The following ITCH variants were observed in gnomAD, a reference collection of about 807,000 sequenced individuals.
The protein encoded by ITCH is E3 ubiquitin-protein ligase Itchy homolog.
Under a neutral mutation model 126.8 loss-of-function variants are expected in ITCH, and 28 were observed. That is an observed-to-expected ratio of 0.22 (90% CI 0.16 to 0.30). The LOEUF is 0.30. Among genes scored for constraint, ITCH ranks in the 10% least tolerant of loss-of-function variants. The probability of loss-of-function intolerance (pLI) is 1.00; values close to 1 mark genes in which losing one functional copy is unlikely to be tolerated. For missense variants in ITCH, 631 were observed against 1,032.4 expected (o/e 0.61, Z 5.33); for synonymous variants, 342 against 340.0 (o/e 1.01, Z -0.06).
At chr20:34,388,316 C>T (rs2038363744) in intron 2 of ITCH, among the ~76,000 whole-genome samples, 1 of 152,048 alleles carries the variant, frequency 6.6e-6, no homozygotes, top group Non-Finnish European at 1.5e-5. Context: ...CCAGGCTGGT[C>T]TTCTGAAGGC....
At chr20:34,405,271 G>A (rs760685047) in intron 3 of ITCH, among the ~76,000 whole-genome samples, 3 of 152,178 alleles carry the variant, frequency 2.0e-5, no homozygotes, top group South Asian at 2.1e-4. Context: ...TTGAGGGGCC[G>A]AGGCAAGTGG....
intron 2 of ITCH, among the ~76,000 whole-genome samples, chr20:34,390,254 T>C (rs2038436780): frequency 1.3e-5 from 2 of 152,182 alleles, no homozygotes; most frequent in South Asian, 4.1e-4. Flanking sequence ...AATGAAACTA[T>C]AAATTATAGA....
At chr20:34,506,621 C>A (rs1346896933) in intron 24 of ITCH, among the ~76,000 whole-genome samples, 1 of 152,182 alleles carries the variant, frequency 6.6e-6, no homozygotes, top group Non-Finnish European at 1.5e-5. Flanking sequence ...GGAACAGTTT[C>A]ATCCTGAAAC....
rs955270823 is a variant in ITCH, at chr20:34,402,069, A to G, written c.71-6582A>G. 8 of 725,054 alleles carry G rather than the reference A, an allele frequency of 1.1e-5. No individual in the cohort carries two copies. In the Admixed American group the frequency reaches 1.8e-4, roughly 17 times the overall value. The allele number at this position is 725,054 out of a possible 1,614,324, so 44.9% of individuals were successfully genotyped here. A position where few individuals can be genotyped will look rare whatever the true frequency, so the allele number is the denominator to read the frequency against. ...ATGGCAAAAACGAATTTTAATTTTTAAGCTTTAGTTTGACTTAAACATTGC... is the reference window on the plus strand; with the variant it reads ...ATGGCAAAAACGAATTTTAATTTTTGAGCTTTAGTTTGACTTAAACATTGC... On this transcript the variant is annotated intron_variant, in intron 3 of 24. Transcript: ENST00000374864.
intron 7 of ITCH, among the ~76,000 whole-genome samples, chr20:34,437,730 G>A (rs1266017896): frequency 6.6e-6 from 1 of 152,204 alleles, no homozygotes; most frequent in Non-Finnish European, 1.5e-5. Flanking sequence ...TGAGACATCT[G>A]CAGACTGGCT....
intron 14 of ITCH, among the ~76,000 whole-genome samples, chr20:34,463,878 ATTATT>A (rs1006580582): frequency 2.6e-5 from 4 of 151,774 alleles, no homozygotes; most frequent in African/African-American, 7.3e-5. Context: ...ATGATTTGCA[ATTATT>A]TTCTCCCATT....
intron 12 of ITCH, among the ~76,000 whole-genome samples, chr20:34,452,533 G>A (rs1005609252): frequency 2.2e-4 from 34 of 152,146 alleles, no homozygotes; most frequent in African/African-American, 7.5e-4. Flanking sequence ...GACAGCACTG[G>A]TAGTATATCA....
chr20:34,369,015 G>A (rs139525883), intron 1 of ITCH, among the ~76,000 whole-genome samples: 176 of 152,256 alleles, frequency 1.2e-3, no homozygotes, highest in African/African-American at 4.1e-3. Flanking sequence ...TCGCAAGGTC[G>A]TTGCAGATCT....
intron 14 of ITCH, among the ~76,000 whole-genome samples, chr20:34,463,357 C>T (rs922396731): frequency 3.3e-5 from 5 of 151,978 alleles, no homozygotes; most frequent in Admixed American, 6.6e-5. Flanking sequence ...AGTGAGACTC[C>T]GTCTCAAAAA....
intron 7 of ITCH, 47 bp downstream of exon 7, chr20:34,424,572 T>A (rs1324814483): frequency 6.9e-7 from 1 of 1,447,800 alleles, no homozygotes; most frequent in Middle Eastern, 1.8e-4. Flanking sequence ...GAGATAGATT[T>A]CCTAAATATT....
chr20:34,493,145 T>G (rs929666140), intron 23 of ITCH, among the ~76,000 whole-genome samples: 1 of 152,220 alleles, frequency 6.6e-6, no homozygotes, highest in Admixed American at 6.5e-5. Context: ...ATTATTTAAG[T>G]AAATTCAAGT....
intron 7 of ITCH, among the ~76,000 whole-genome samples, chr20:34,427,376 A>G (rs1465173980): frequency 6.6e-6 from 1 of 152,190 alleles, no homozygotes; most frequent in Non-Finnish European, 1.5e-5. Flanking sequence ...ACTTGAGCCT[A>G]GGAGTTTGAG....
At chr20:34,484,712 A>G (rs1159569805) in intron 20 of ITCH, among the ~76,000 whole-genome samples, 2 of 152,184 alleles carry the variant, frequency 1.3e-5, no homozygotes, top group Non-Finnish European at 2.9e-5. Context: ...TAAGAAGTAT[A>G]ATTTCCTTAG....
At chr20:34,481,767 C>T (rs181772129) in intron 20 of ITCH, among the ~76,000 whole-genome samples, 9 of 152,280 alleles carry the variant, frequency 5.9e-5, no homozygotes, top group Admixed American at 5.9e-4. Context: ...AATCCTAGCA[C>T]TTTGGAAGGC....
chr20:34,418,395 T>C (rs981458106), intron 6 of ITCH, among the ~76,000 whole-genome samples: 2 of 152,232 alleles, frequency 1.3e-5, no homozygotes, highest in Admixed American at 6.5e-5. Context: ...CTGGTTCTTA[T>C]TCTATGCATT....
At chr20:34,412,407 G>A in intron 4 of ITCH, 108 bp from the exon 5 acceptor site, 1 of 783,428 alleles carries the variant, frequency 1.3e-6, no homozygotes, top group Non-Finnish European at 2.1e-6. Context: ...AAACTGTAAG[G>A]GGTGCAGTGA....
At chr20:34,402,236 CT>C in intron 3 of ITCH, 3 of 1,389,920 alleles carry the variant, frequency 2.2e-6, no homozygotes, top group East Asian at 4.6e-5. Context: ...TTAGGCCTTT[CT>C]TTGTGAGTGC....
At chr20:34,379,626 G>A (rs1488241940) in intron 2 of ITCH, among the ~76,000 whole-genome samples, 2 of 139,242 alleles carry the variant, frequency 1.4e-5, no homozygotes, top group Non-Finnish European at 3.0e-5. Context: ...ACGGAGTCTC[G>A]CTCTGTCACC....
Position 34,369,454 on chromosome 20 carries a change from A to T in ITCH, c.-38A>T. On this transcript the variant is annotated 5_prime_UTR_variant, in exon 2 of 25. Transcript: ENST00000374864. ...CGCCTTAACCCAAGGAAGTGACTCA[A>T]ACTGTGAGAACTTCAGGTATGGTGT... The T allele has an allele frequency of 2.5e-6, 1 of 399,092 alleles. No homozygotes were observed. The highest frequency in any genetic ancestry group is 4.4e-5 in the Admixed American group (1 of 22,726). 24.7% of individuals were successfully genotyped at this position (399,092 alleles called of 1,614,324 possible). A position where few individuals can be genotyped will look rare whatever the true frequency, so the allele number is the denominator to read the frequency against.
Sources: gnomAD v4.1 joint callset for allele counts (sites outside exome capture counted in the v4.1 genomes callset) on GRCh38, gnomAD v4.1.1 for gene constraint, MANE v1.5 for transcripts, NCBI Gene and HGNC (gene_info 2026-07-23, HGNC 2026-07-21) for gene names.